Variants in KCNQ5 observed in about 807,000 individuals in gnomAD.
The protein encoded by KCNQ5 is potassium voltage-gated channel subfamily KQT member 5.
In KCNQ5, 30 loss-of-function variants were observed where a neutral mutation model predicts 98.2. That is an observed-to-expected ratio of 0.31 (90% CI 0.23 to 0.41). The LOEUF is 0.41. Among genes scored for constraint, KCNQ5 ranks in the 10% least tolerant of loss-of-function variants. The probability of loss-of-function intolerance (pLI) is 1.00; values close to 1 mark genes in which losing one functional copy is unlikely to be tolerated. For synonymous variants in KCNQ5, 458 were observed against 449.4 expected (o/e 1.02, Z -0.24); for missense variants, 835 against 1,182.5 (o/e 0.71, Z 4.31).
chr6:72,706,133 G>A (rs1256909776), intron 1 of KCNQ5, among the ~76,000 whole-genome samples: 4 of 151,938 alleles, frequency 2.6e-5, no homozygotes, highest in Admixed American at 2.0e-4. Flanking sequence ...TGTCACTCAA[G>A]GTATAGTTAT....
At chr6:72,858,995 T>C (rs974790790) in intron 1 of KCNQ5, among the ~76,000 whole-genome samples, 1 of 151,508 alleles carries the variant, frequency 6.6e-6, no homozygotes, top group Middle Eastern at 3.2e-3. Flanking sequence ...TTTGCAATTT[T>C]TACGAGTCTA....
intron 1 of KCNQ5, among the ~76,000 whole-genome samples, chr6:72,803,118 A>G (rs1473832326): frequency 6.6e-6 from 1 of 152,168 alleles, no homozygotes; most frequent in Non-Finnish European, 1.5e-5. Flanking sequence ...TCAGTCTCAG[A>G]CCAACCACAA....
At chr6:72,919,300 T>G (rs1429893641) in intron 1 of KCNQ5, among the ~76,000 whole-genome samples, 1 of 152,196 alleles carries the variant, frequency 6.6e-6, no homozygotes, top group Non-Finnish European at 1.5e-5. Context: ...AAAGAACTCA[T>G]GGGAGAGACA....
chr6:72,790,227 T>C (rs1773967053), intron 1 of KCNQ5, among the ~76,000 whole-genome samples: 1 of 152,262 alleles, frequency 6.6e-6, no homozygotes, highest in African/African-American at 2.4e-5. Context: ...AATCACAAAA[T>C]AAGCTCCCAA....
At chr6:73,013,430 T>C (rs1770173741) in intron 2 of KCNQ5, among the ~76,000 whole-genome samples, 1 of 152,146 alleles carries the variant, frequency 6.6e-6, no homozygotes, top group African/African-American at 2.4e-5. Flanking sequence ...CTCAAGAACG[T>C]GTATGAAACT....
At chr6:73,158,269 T>C (rs9343013) in intron 10 of KCNQ5, 1 of 167,668 alleles carries the variant, frequency 6.0e-6, no homozygotes, top group Non-Finnish European at 1.2e-5. Flanking sequence ...TTTTTTTTTT[T>C]TTTTTTTTTT....
At chr6:73,094,485 T>C (rs1774397329) in intron 5 of KCNQ5, among the ~76,000 whole-genome samples, 1 of 152,144 alleles carries the variant, frequency 6.6e-6, no homozygotes, top group Admixed American at 6.6e-5. Flanking sequence ...TTTGTTTTTG[T>C]TTTTTAAATT....
chr6:72,899,174 A>G (rs1779377402), intron 1 of KCNQ5, among the ~76,000 whole-genome samples: 1 of 152,178 alleles, frequency 6.6e-6, no homozygotes, highest in Non-Finnish European at 1.5e-5. Context: ...AGACTGAGAC[A>G]TTATTAAACA....
At chr6:72,886,958 G>A (rs1437399818) in intron 1 of KCNQ5, among the ~76,000 whole-genome samples, 1 of 151,992 alleles carries the variant, frequency 6.6e-6, no homozygotes, top group African/African-American at 2.4e-5. Context: ...GCCCCAGAAA[G>A]GATGTCTTAT....
chr6:72,856,476 A>ACACG (rs968437522), intron 1 of KCNQ5, among the ~76,000 whole-genome samples: 22 of 147,618 alleles, frequency 1.5e-4, no homozygotes, highest in Admixed American at 1.1e-3. Flanking sequence ...ATATATACAC[A>ACACG]CACACACACA....
At chr6:73,111,659 T>G (rs1775245756) in intron 7 of KCNQ5, among the ~76,000 whole-genome samples, 1 of 152,242 alleles carries the variant, frequency 6.6e-6, no homozygotes. Flanking sequence ...AGCAAGGCCA[T>G]GCAAAGGTTA....
chr6:72,817,700 C>T (rs1775564010), intron 1 of KCNQ5, among the ~76,000 whole-genome samples: 2 of 152,004 alleles, frequency 1.3e-5, no homozygotes, highest in Admixed American at 6.6e-5. Context: ...GTGAAACTAG[C>T]CTGACCATTA....
At chr6:72,624,505 C>G (rs2098917082) in intron 1 of KCNQ5, among the ~76,000 whole-genome samples, 1 of 152,148 alleles carries the variant, frequency 6.6e-6, no homozygotes. Flanking sequence ...TGAGAACTTG[C>G]AACACAACAT....
At chr6:72,816,385 A>T (rs1392080544) in intron 1 of KCNQ5, among the ~76,000 whole-genome samples, 4 of 152,216 alleles carry the variant, frequency 2.6e-5, no homozygotes, top group Admixed American at 2.6e-4. Context: ...AATTATCTTA[A>T]TTTTATTATT....
intron 3 of KCNQ5, among the ~76,000 whole-genome samples, chr6:73,075,299 T>G (rs1371358186): frequency 6.6e-6 from 1 of 151,764 alleles, no homozygotes; most frequent in Non-Finnish European, 1.5e-5. Flanking sequence ...CTTGGCTCAC[T>G]GCAACCTCCG....
At chr6:72,785,574 TG>T (rs1388807646) in intron 1 of KCNQ5, among the ~76,000 whole-genome samples, 2 of 151,094 alleles carry the variant, frequency 1.3e-5, no homozygotes, top group African/African-American at 4.9e-5. Flanking sequence ...CCCTTAAACC[TG>T]GGAGGTGGAG....
At chr6:72,950,957 A>G (rs189237833) in intron 1 of KCNQ5, among the ~76,000 whole-genome samples, 2 of 152,274 alleles carry the variant, frequency 1.3e-5, no homozygotes, top group African/African-American at 4.8e-5. Flanking sequence ...AAGCCCTCAT[A>G]ACAATCTTCT....
intron 1 of KCNQ5, among the ~76,000 whole-genome samples, chr6:72,939,667 T>A (rs367584748): frequency 2.0e-5 from 3 of 152,174 alleles, no homozygotes; most frequent in African/African-American, 7.2e-5. Context: ...ATGCAGTCTT[T>A]CACTCACTCA....
chr6:73,042,358 C>A (rs1022724671), intron 3 of KCNQ5, among the ~76,000 whole-genome samples: 1 of 152,164 alleles, frequency 6.6e-6, no homozygotes, highest in Non-Finnish European at 1.5e-5. Flanking sequence ...TTTAGCCAGG[C>A]AATCTGGCTC....
Sources: gnomAD v4.1 joint callset for allele counts (sites outside exome capture counted in the v4.1 genomes callset) on GRCh38, gnomAD v4.1.1 for gene constraint, MANE v1.5 for transcripts, NCBI Gene and HGNC (gene_info 2026-07-23, HGNC 2026-07-21) for gene names.